Variants in ERAP2 observed in about 807,000 individuals in gnomAD.
ERAP2 encodes the protein leukocyte-derived arginine aminopeptidase.
In ERAP2, 118 loss-of-function variants were observed where a neutral mutation model predicts 111.1. The observed-to-expected ratio is 1.06, with a 90% CI of 0.92 to 1.24. The LOEUF is 1.24. Among genes scored for constraint, ERAP2 ranks in the 50% most tolerant of loss-of-function variants. The probability of loss-of-function intolerance (pLI) is 0.00; values close to 1 mark genes in which losing one functional copy is unlikely to be tolerated. For missense variants in ERAP2, 1,131 were observed against 1,125.8 expected (o/e 1.00, Z -0.07); for synonymous variants, 410 against 401.2 (o/e 1.02, Z -0.26).
At chr5:96,899,905 C>A (rs538036311) in intron 9 of ERAP2, among the ~76,000 whole-genome samples, 1 of 152,308 alleles carries the variant, frequency 6.6e-6, no homozygotes, top group Non-Finnish European at 1.5e-5. Context: ...GGAAACTTTA[C>A]ACATGCGTAT....
At chr5:96,877,769 A>C (rs1782705227) in intron 1 of ERAP2, among the ~76,000 whole-genome samples, 1 of 152,294 alleles carries the variant, frequency 6.6e-6, no homozygotes, top group East Asian at 1.9e-4. Context: ...CTAATAGACC[A>C]ATTATGAGTG....
rs371317467 is a variant in ERAP2, at chr5:96,901,517, G to C, written c.1584G>C (p.Leu528=). 6.2e-7 allele frequency: 1 copy of C among 1,613,222 alleles called. No homozygotes were observed. Among genetic ancestry groups the C allele is most frequent in the African/African-American group, 1.3e-5 (1 of 75,002 alleles). Residue 528 remains leucine, a synonymous_variant, in exon 11 of 19, where the codon CTG becomes CTC. Coordinates refer to ENST00000437043, the MANE Select transcript of ERAP2 (RefSeq NM_022350.5). ...PKMTSNMLAF[L]GENAEVKEMM... ...ACCTGTCATTTCAGCTCGCCTTTCTGGGGGAAAATGCAGAGGTCAAAGAGA... is the reference window on the plus strand; with the variant it reads ...ACCTGTCATTTCAGCTCGCCTTTCTCGGGGAAAATGCAGAGGTCAAAGAGA...
At position 96,909,654 on chromosome 5, in the gene ERAP2, G is replaced by C; in HGVS notation, c.2244G>C (p.Arg748Ser). The change falls in exon 15 of 19, where the codon AGG becomes AGC. Residue 748 changes from arginine (R) to serine (S), a missense_variant. By Grantham distance (110) the Arg-to-Ser change is moderately radical (BLOSUM62 -1). Transcript: ENST00000437043. ...GTGACAAGGGCTCAGTCTGGGACAG[G>C]ATGCTCCGCTCGGCTCTCTTGAAGC... ...SWSDKGSVWD[R>S]MLRSALLKLA... 4 of 1,614,192 alleles carry C rather than the reference G, an allele frequency of 2.5e-6. No homozygotes were observed. The highest frequency in any genetic ancestry group is 3.4e-6 in the Non-Finnish European group (4 of 1,180,030).
At chr5:96,916,870 C>T (rs1787473293) in intron 18 of ERAP2, among the ~76,000 whole-genome samples, 1 of 151,800 alleles carries the variant, frequency 6.6e-6, no homozygotes, top group South Asian at 2.1e-4. Context: ...ACTTAAATCC[C>T]AGCTCACCAT....
chr5:96,896,832 A>C lies in ERAP2; in HGVS notation c.1472A>C (p.Lys491Thr). 1 of 1,219,114 alleles carries C rather than the reference A, an allele frequency of 8.2e-7. No homozygotes were observed. The highest frequency in any genetic ancestry group is 1.0e-6 in the Non-Finnish European group (1 of 953,070). 75.5% of individuals were successfully genotyped at this position (1,219,114 alleles called of 1,614,324 possible). A position where few individuals can be genotyped will look rare whatever the true frequency, so the allele number is the denominator to read the frequency against. ...YLKKFSYRNA[K>T]NDDLWSSLSN... is the part of the protein sequence containing the mutation. ...AAGAAGTTCAGCTATAGAAATGCTA[A>C]GAATGATGACTTGTGGAGCAGTCTG... The change falls in exon 9 of 19, where the codon AAG becomes ACG. Residue 491 changes from lysine to threonine, a missense_variant. Transcript: ENST00000437043.
At chr5:96,876,576 C>CAATAA (rs758576912) in intron 1 of ERAP2, 49 bp downstream of exon 1, 7 of 152,200 alleles carry the variant, frequency 4.6e-5, no homozygotes, top group Non-Finnish European at 8.8e-5. Context: ...TAGATTTTTT[C>CAATAA]AATAAGAATA....
chr5:96,903,486 G>C lies in ERAP2; in HGVS notation c.1938G>C (p.Gln646His). Residue 646 changes from glutamine (Q) to histidine (H), a missense_variant, in exon 13 of 19, where the codon CAG becomes CAC. Coordinates refer to ENST00000437043, the MANE Select transcript of ERAP2 (RefSeq NM_022350.5). ...ATGGATGGGACCAACTCATTACACA[G>C]CTGAATCAGAACCACACACTTCTCA... The part of the protein sequence containing the change: ...EGHGWDQLIT[Q>H]LNQNHTLLRP... 1 of 1,614,030 alleles carries C rather than the reference G, an allele frequency of 6.2e-7. No homozygotes were observed. Among genetic ancestry groups the C allele is most frequent in the Non-Finnish European group, 8.5e-7 (1 of 1,179,934 alleles).
rs985199943 is a variant in ERAP2, at chr5:96,903,469, G to A, written c.1921G>A (p.Asp641Asn). The change falls in exon 13 of 19, where the codon GAC (aspartate) becomes AAC (asparagine). Residue 641 changes from aspartate to asparagine, a missense_variant. Around this residue, in one of 3 missense-constraint regions of ERAP2, gnomAD observed 847 missense variants for 856.5 expected, o/e 0.99. Coordinates refer to ENST00000437043, the MANE Select transcript of ERAP2 (RefSeq NM_022350.5). Reference sequence around the variant, plus strand: ...CGTTCACTATGAGGGTCATGGATGGGACCAACTCATTACACAGCTGAATCA... The same window carrying A: ...CGTTCACTATGAGGGTCATGGATGGAACCAACTCATTACACAGCTGAATCA... ...YIVHYEGHGWDQLITQLNQNH... is the reference protein window; with the variant it reads ...YIVHYEGHGWNQLITQLNQNH... 3.1e-6 allele frequency: 5 copies of A among 1,613,852 alleles called. No individual in the cohort carries two copies. In the African/African-American group the frequency reaches 5.3e-5, roughly 17 times the overall value.
In ERAP2 at chr5:96,917,707, C is replaced by A; in HGVS notation, c.*102C>A. ...GGATCACGAGGTCAGGAGATGGAGA[C>A]CATCCTGGCTAACACGGTGAGACCC... On this transcript the variant is annotated 3_prime_UTR_variant, in exon 19 of 19. Coordinates refer to ENST00000437043, the MANE Select transcript of ERAP2 (RefSeq NM_022350.5). The A allele has an allele frequency of 1.1e-6, 1 of 912,146 alleles. No individual in the cohort carries two copies. The highest frequency in any genetic ancestry group is 3.3e-5 in the East Asian group (1 of 30,136). The allele number at this position is 912,146 out of a possible 1,614,324, so 56.5% of individuals were successfully genotyped here.
rs1782930049 is a variant in ERAP2, at chr5:96,879,623, C to G, written c.-63C>G. 1 of 1,344,568 alleles carries G rather than the reference C, an allele frequency of 7.4e-7. No homozygotes were observed. The highest frequency in any genetic ancestry group is 1.1e-6 in the Non-Finnish European group (1 of 947,102). 83.3% of individuals were successfully genotyped at this position (1,344,568 alleles called of 1,614,324 possible). A position where few individuals can be genotyped will look rare whatever the true frequency, so the allele number is the denominator to read the frequency against. On this transcript the variant is annotated 5_prime_UTR_variant, in exon 2 of 19. Coordinates refer to ENST00000437043, the MANE Select transcript of ERAP2 (RefSeq NM_022350.5). ...CCATGTGACATAACTGGAGCCAGTG[C>G]AGTGCCATGAAGAACTACGAGATTA...
At position 96,912,666 on chromosome 5, in the gene ERAP2, A is replaced by T. The variant is rs1451157770; in HGVS notation, c.2384A>T (p.Tyr795Phe). The T allele has an allele frequency of 1.2e-6, 2 of 1,610,958 alleles. No homozygotes were observed. The change falls in exon 16 of 19, where the codon TAT becomes TTT. Residue 795 changes from tyrosine to phenylalanine, a missense_variant. Coordinates refer to ENST00000437043, the MANE Select transcript of ERAP2 (RefSeq NM_022350.5). ...NIPTDVLKIV[Y>F]SVGAQTTAGW... Reference sequence around the variant, plus strand: ...CCAACAGATGTTTTAAAGATTGTGTATTCTGTGGGTGCTCAGACAACAGCA... The same window carrying T: ...CCAACAGATGTTTTAAAGATTGTGTTTTCTGTGGGTGCTCAGACAACAGCA...
At chr5:96,889,745 G>A (rs375920648) in intron 5 of ERAP2, among the ~76,000 whole-genome samples, 1,601 of 152,146 alleles carry the variant, frequency 0.011, 16 homozygotes, top group Non-Finnish European at 0.016. Flanking sequence ...CTCCTCTTCT[G>A]TGGGAGGGAA....
rs186612435 is a variant in ERAP2 at position 96,901,390 on chromosome 5, C to A, written c.1573-116C>A. 6.1e-6 allele frequency: 7 copies of A among 1,142,316 alleles called. No homozygotes were observed. In the South Asian group the frequency reaches 1.0e-4, roughly 17 times the overall value. The allele number at this position is 1,142,316 out of a possible 1,614,324, so 70.8% of individuals were successfully genotyped here. On this transcript the variant is annotated intron_variant, in intron 10 of 18. Coordinates refer to ENST00000437043, the MANE Select transcript of ERAP2 (RefSeq NM_022350.5). ...ATTACCCTTCCCTGAGATACCAGTC[C>A]GAGTCTTCTGTTCCCCAAGCCTTGT...
At chr5:96,914,155 C>CAT (rs1787123916) in intron 17 of ERAP2, among the ~76,000 whole-genome samples, 1 of 151,128 alleles carries the variant, frequency 6.6e-6, no homozygotes. Flanking sequence ...CTCTCACACA[C>CAT]ACACACACAC....
Position 96,918,403 on chromosome 5 carries a change from A to C in ERAP2, c.*798A>C, listed in dbSNP as rs1787675195. On this transcript the variant is annotated 3_prime_UTR_variant, in exon 19 of 19. Coordinates refer to ENST00000437043, the MANE Select transcript of ERAP2 (RefSeq NM_022350.5). ...AAAGGCAAGGATCAGGAAACCAGAG[A>C]CTTTGCCACCAAATCTCAGATTATT... 1 of 152,226 alleles carries C rather than the reference A, an allele frequency of 6.6e-6. No homozygotes were observed. Among genetic ancestry groups the C allele is most frequent in the Non-Finnish European group, 1.5e-5 (1 of 68,046 alleles). 9.4% of individuals were successfully genotyped at this position (152,226 alleles called of 1,614,324 possible).
chr5:96,889,728 C>A (rs1420687198), intron 5 of ERAP2, among the ~76,000 whole-genome samples: 1 of 152,112 alleles, frequency 6.6e-6, no homozygotes, highest in African/African-American at 2.4e-5. Context: ...CGCTCTCATC[C>A]ATTATGCTCC....
intron 13 of ERAP2, among the ~76,000 whole-genome samples, chr5:96,908,661 T>G (rs1786365361): frequency 6.6e-6 from 1 of 152,232 alleles, no homozygotes; most frequent in South Asian, 2.1e-4. Context: ...CCTTTTGCTA[T>G]GTGGTAGACA....
chr5:96,915,784 GT>G lies in ERAP2; in HGVS notation c.2739+20del, dbSNP rs1452914901. The G allele has an allele frequency of 1.3e-6, 2 of 1,570,308 alleles. No individual in the cohort carries two copies. The highest frequency in any genetic ancestry group is 1.4e-5 in the African/African-American group (1 of 73,078). On this transcript the variant is annotated intron_variant, in intron 18 of 18. Coordinates refer to ENST00000437043, the MANE Select transcript of ERAP2 (RefSeq NM_022350.5). ...AGTTGCAAGAGGTTTGTGACTTTCT[GT>G]TTTTAACAATTTCAAAATAAATGTT...
At chr5:96,886,479 A>G (rs2303208) in intron 3 of ERAP2, among the ~76,000 whole-genome samples, 176 bp from the exon 4 acceptor site, 83,082 of 151,646 alleles carry the variant, frequency 0.55, 22,755 homozygotes, top group Admixed American at 0.6. Flanking sequence ...TTGGGGTAAA[A>G]GCAATGGAGG....
Sources: allele counts gnomAD v4.1 joint callset (sites outside exome capture counted in the v4.1 genomes callset), GRCh38; gene constraint gnomAD v4.1.1; regional missense constraint gnomAD v4.1.1; transcripts MANE v1.5; gene names NCBI Gene and HGNC (gene_info 2026-07-23, HGNC 2026-07-21).